Variants in MYO16 observed in about 807,000 individuals in gnomAD.
The protein encoded by MYO16 is myosin XVI.
MYO16 carries 94 observed loss-of-function variants against 205.3 expected under a neutral mutation model. The observed-to-expected ratio is 0.46, with a 90% CI of 0.39 to 0.54. The LOEUF (loss-of-function observed/expected upper bound fraction) is 0.54. Among genes scored for constraint, MYO16 ranks in the 20% least tolerant of loss-of-function variants. MYO16 has a pLI of 0.00. For synonymous variants in MYO16, 988 were observed against 954.0 expected (o/e 1.04, Z -0.66); for missense variants, 2,315 against 2,387.5 (o/e 0.97, Z 0.63).
the MYO16 span, among the ~76,000 whole-genome samples, chr13:108,575,434 C>T: frequency 6.6e-6 from 1 of 152,088 alleles, no homozygotes; most frequent in African/African-American, 2.4e-5. Context: ...ACAGCTAGTC[C>T]TTTTTTGCAC....
At chr13:108,771,921 A>C (rs541387235) in intron 4 of MYO16, among the ~76,000 whole-genome samples, 1 of 152,232 alleles carries the variant, frequency 6.6e-6, no homozygotes, top group African/African-American at 2.4e-5. Flanking sequence ...GGTTGCTTCT[A>C]AGTTTTGGCA....
Position 108,629,735 on chromosome 13 carries a change from G to A in MYO16, c.-110G>A. 1 of 1,027,960 alleles carries A rather than the reference G, an allele frequency of 9.7e-7. No individual in the cohort carries two copies. Among genetic ancestry groups the A allele is most frequent in the Non-Finnish European group, 1.4e-6 (1 of 700,424 alleles). 63.7% of individuals were successfully genotyped at this position (1,027,960 alleles called of 1,614,324 possible). On this transcript the variant is annotated 5_prime_UTR_variant, in exon 1 of 35. Coordinates refer to ENST00000457511, the MANE Select transcript of MYO16 (RefSeq NM_001198950.3). ...CCTCCATGCAATAGTGCATCCTGAG[G>A]TAAACTGTTACCTGAGTAAGGGCTT... is the stretch of plus-strand genomic sequence containing the variant.
At position 108,710,003 on chromosome 13, in the gene MYO16, C is replaced by T. The variant is rs555357731; in HGVS notation, c.293-2658C>T. On this transcript the variant is annotated intron_variant, in intron 2 of 34. Transcript: ENST00000457511. ...ATGCCGGGCTGGATGGAGGAAGAAG[C>T]CTTTCTTCCTAGCCTGTTTCTCTGT... Among the ~76,000 whole-genome samples the T allele has an allele frequency of 4.8e-5, 4 of 82,986 alleles. 1 individual carries two copies. The highest frequency in any genetic ancestry group is 1.1e-4 in the Non-Finnish European group (4 of 37,242). 54.4% of individuals were successfully genotyped at this position (82,986 alleles called of 152,430 possible). A position where few individuals can be genotyped will look rare whatever the true frequency, so the allele number is the denominator to read the frequency against.
intron 9 of MYO16, among the ~76,000 whole-genome samples, chr13:108,831,083 TA>T (rs1280015990): frequency 1.3e-5 from 2 of 152,276 alleles, no homozygotes; most frequent in Admixed American, 1.3e-4. Context: ...GGCAGTTTTA[TA>T]GAGGCTTTAA....
rs1024473726 is a variant in MYO16, at chr13:108,798,763, T to C, written c.741+5123T>C. Among the ~76,000 whole-genome samples the C allele has an allele frequency of 4.0e-5, 5 of 125,088 alleles. No individual in the cohort carries two copies. In the Middle Eastern group the frequency reaches 0.018, roughly 447 times the overall value. The allele number at this position is 125,088 out of a possible 152,430, so 82.1% of individuals were successfully genotyped here. On this transcript the variant is annotated intron_variant, in intron 6 of 34. Transcript: ENST00000457511. The stretch of plus-strand genomic sequence containing the variant: ...GCCCAGGCCGGACTGCGGACTGCAG[T>C]GGCGGAATCTCGGCTCACTGCAAGC...
the MYO16 span, among the ~76,000 whole-genome samples, chr13:108,506,823 G>A: frequency 1.3e-5 from 2 of 152,066 alleles, no homozygotes; most frequent in African/African-American, 4.8e-5. Flanking sequence ...GTTAGCTGAA[G>A]CCTTTTCATA....
At chr13:108,693,363 T>C (rs1167485763) in intron 2 of MYO16, among the ~76,000 whole-genome samples, 9 of 152,144 alleles carry the variant, frequency 5.9e-5, no homozygotes, top group African/African-American at 1.7e-4. Flanking sequence ...AGTAGAAATA[T>C]TGTGCCCATT....
intron 4 of MYO16, among the ~76,000 whole-genome samples, chr13:108,753,258 G>A (rs4772993): frequency 0.8 from 120,958 of 151,108 alleles, 48,492 homozygotes; most frequent in Admixed American, 0.84. Context: ...TAATCCCAGC[G>A]ACTTGGGAGG....
intron 27 of MYO16, among the ~76,000 whole-genome samples, chr13:109,092,473 CAG>C (rs1159303983): frequency 6.6e-6 from 1 of 152,116 alleles, no homozygotes; most frequent in Non-Finnish European, 1.5e-5. Flanking sequence ...AGCAAACCAA[CAG>C]AGGAACAGAA....
At chr13:109,149,521 C>T (rs1035948949) in intron 32 of MYO16, among the ~76,000 whole-genome samples, 2 of 152,196 alleles carry the variant, frequency 1.3e-5, no homozygotes, top group African/African-American at 4.8e-5. Context: ...TTATGCCCTT[C>T]ATAGTCTCTG....
intron 4 of MYO16, among the ~76,000 whole-genome samples, chr13:108,759,910 A>G (rs1214659122): frequency 6.6e-6 from 1 of 152,068 alleles, no homozygotes; most frequent in Non-Finnish European, 1.5e-5. Context: ...ATAATTTGGT[A>G]GACAAAAGGG....
the MYO16 span, among the ~76,000 whole-genome samples, chr13:108,556,938 C>T: frequency 6.6e-6 from 1 of 152,058 alleles, no homozygotes; most frequent in African/African-American, 2.4e-5. Flanking sequence ...AATCAATTGA[C>T]TGTTATTGTG....
chr13:108,756,343 A>G (rs1372657963), intron 4 of MYO16, among the ~76,000 whole-genome samples: 2 of 152,134 alleles, frequency 1.3e-5, no homozygotes, highest in African/African-American at 4.8e-5. Flanking sequence ...ACATTGCAGC[A>G]TTTCATGGGC....
At chr13:108,912,183 A>G (rs538685939) in intron 16 of MYO16, among the ~76,000 whole-genome samples, 11 of 152,178 alleles carry the variant, frequency 7.2e-5, no homozygotes, top group Non-Finnish European at 1.2e-4. Context: ...GGGGTGAGTG[A>G]TAGTGCAGGT....
chr13:109,149,812 G>A (rs1218170690), intron 32 of MYO16, among the ~76,000 whole-genome samples: 1 of 152,110 alleles, frequency 6.6e-6, no homozygotes, highest in Admixed American at 6.5e-5. Context: ...CACAGCACAC[G>A]TGATAGACTA....
At chr13:108,912,548 A>T (rs1881313779) in intron 16 of MYO16, among the ~76,000 whole-genome samples, 1 of 152,132 alleles carries the variant, frequency 6.6e-6, no homozygotes. Context: ...AAAGCCAGAG[A>T]CATGAAGAAG....
the MYO16 span, among the ~76,000 whole-genome samples, chr13:108,534,449 G>A: frequency 1.3e-5 from 2 of 152,086 alleles, no homozygotes; most frequent in Non-Finnish European, 2.9e-5. Flanking sequence ...GGTAGACACA[G>A]CAAGAAAAAT....
chr13:108,601,577 A>G (rs1436053904), intron 1 of MYO16, among the ~76,000 whole-genome samples: 1 of 152,030 alleles, frequency 6.6e-6, no homozygotes, highest in East Asian at 1.9e-4. Context: ...AGATGATTCT[A>G]AATTCTTCCA....
Position 109,149,623 on chromosome 13 carries a change from A to C in MYO16, c.5164+8247A>C, listed in dbSNP as rs114080204. ...AACACAAACTCATTGCCAGGAAAACATGTGGGAGGCGGACAGATAAAACTG... is the reference window on the plus strand; with the variant it reads ...AACACAAACTCATTGCCAGGAAAACCTGTGGGAGGCGGACAGATAAAACTG... On this transcript the variant is annotated intron_variant, in intron 32 of 34. Transcript: ENST00000457511. Among the ~76,000 whole-genome samples the C allele has an allele frequency of 9.1e-3, 1,390 of 152,190 alleles. 18 individuals carry two copies. The highest frequency in any genetic ancestry group is 0.032 in the African/African-American group (1,325 of 41,430).
Sources: gnomAD v4.1 joint callset for allele counts (sites outside exome capture counted in the v4.1 genomes callset) on GRCh38, gnomAD v4.1.1 for gene constraint, MANE v1.5 for transcripts, NCBI Gene and HGNC (gene_info 2026-07-23, HGNC 2026-07-21) for gene names.